The following CHSY3 variants were observed in gnomAD, a reference collection of about 807,000 sequenced individuals.
CHSY3 encodes the protein N-acetylgalactosaminyl-proteoglycan 3-beta-glucuronosyltransferase 3.
Under a neutral mutation model 67.2 loss-of-function variants are expected in CHSY3, and 35 were observed. The ratio of observed to expected loss-of-function variants is 0.52; its 90% CI spans 0.40 to 0.69. CHSY3 has a LOEUF of 0.69. Among genes scored for constraint, CHSY3 ranks in the 30% least tolerant of loss-of-function variants. The pLI, the probability that CHSY3 is intolerant of heterozygous loss-of-function variation, is 0.00. For synonymous variants in CHSY3, 474 were observed against 434.7 expected (o/e 1.09, Z -1.12); for missense variants, 1,069 against 1,138.5 (o/e 0.94, Z 0.88).
chr5:130,113,029 T>C (rs1481722317), intron 2 of CHSY3, among the ~76,000 whole-genome samples: 3 of 152,106 alleles, frequency 2.0e-5, no homozygotes, highest in South Asian at 4.1e-4. Context: ...TATTAATCTT[T>C]TGTTTCATGT....
chr5:129,947,232 T>C (rs936276088), intron 2 of CHSY3, among the ~76,000 whole-genome samples: 1 of 152,142 alleles, frequency 6.6e-6, no homozygotes, highest in African/African-American at 2.4e-5. Context: ...AAGAACTCAC[T>C]ATCATGAGAA....
At chr5:129,917,270 C>G (rs1760759107) in intron 2 of CHSY3, among the ~76,000 whole-genome samples, 1 of 152,072 alleles carries the variant, frequency 6.6e-6, no homozygotes, top group African/African-American at 2.4e-5. Flanking sequence ...TCTAAGACCC[C>G]CATGGATACT....
intron 2 of CHSY3, among the ~76,000 whole-genome samples, chr5:130,144,538 A>G (rs1314076735): frequency 6.6e-6 from 1 of 152,218 alleles, no homozygotes; most frequent in Non-Finnish European, 1.5e-5. Context: ...CCCCATGTTC[A>G]TAGGTTGGAA....
chr5:129,942,075 C>T (rs1331886131), intron 2 of CHSY3, among the ~76,000 whole-genome samples: 2 of 152,100 alleles, frequency 1.3e-5, no homozygotes, highest in African/African-American at 2.4e-5. Context: ...TTCCTTCCCC[C>T]AGGGTATAGG....
intron 2 of CHSY3, among the ~76,000 whole-genome samples, chr5:130,055,087 G>A (rs984243155): frequency 6.6e-6 from 1 of 152,070 alleles, no homozygotes; most frequent in Non-Finnish European, 1.5e-5. Context: ...GTCTGGCTGT[G>A]GGTCTCTGTC....
chr5:130,148,720 T>G (rs1207443758), intron 2 of CHSY3, among the ~76,000 whole-genome samples: 1 of 152,170 alleles, frequency 6.6e-6, no homozygotes, highest in Non-Finnish European at 1.5e-5. Flanking sequence ...CTGTTCATGT[T>G]CTTTGCCCGC....
intron 2 of CHSY3, among the ~76,000 whole-genome samples, chr5:129,971,499 A>C (rs1250716171): frequency 6.6e-6 from 1 of 151,934 alleles, no homozygotes; most frequent in Non-Finnish European, 1.5e-5. Context: ...AGTACATTTT[A>C]TTAGCAGGTG....
At chr5:130,124,678 G>A (rs987143255) in intron 2 of CHSY3, among the ~76,000 whole-genome samples, 3 of 151,928 alleles carry the variant, frequency 2.0e-5, no homozygotes, top group African/African-American at 7.3e-5. Flanking sequence ...GGCTGATTTC[G>A]AACTCCCCAG....
At position 129,970,219 on chromosome 5, in the gene CHSY3, A is replaced by G. The variant is rs1653787273; in HGVS notation, c.1086+61859A>G. 3.3e-5 allele frequency among the ~76,000 whole-genome samples: 5 copies of G among 151,852 alleles called. No homozygotes were observed. In the South Asian group the frequency reaches 8.3e-4, roughly 25 times the overall value. ...TTTACTCATTTCTTTTTTGTTTCCC[A>G]CTGGGCTGTAAGCAACTTGAGATCA... On this transcript the variant is annotated intron_variant, in intron 2 of 2. Coordinates refer to ENST00000305031, the MANE Select transcript of CHSY3 (RefSeq NM_175856.5).
intron 2 of CHSY3, among the ~76,000 whole-genome samples, chr5:129,968,021 G>A (rs1185184947): frequency 6.6e-6 from 1 of 151,704 alleles, no homozygotes. Context: ...AACTATGGTA[G>A]TGTAGTCTTC....
chr5:129,909,644 A>C (rs1033946975), intron 2 of CHSY3, among the ~76,000 whole-genome samples: 1 of 152,018 alleles, frequency 6.6e-6, no homozygotes, highest in Non-Finnish European at 1.5e-5. Context: ...CTTTAGGATA[A>C]AAATTTATGT....
rs192316047 is a variant in CHSY3, at chr5:130,006,769, A to G, written c.1086+98409A>G. ...AATACATTTATTTTCAGTTGCATATAGGAAGGGGATATATTTTCAGTGCTT... is the reference window on the plus strand; with the variant it reads ...AATACATTTATTTTCAGTTGCATATGGGAAGGGGATATATTTTCAGTGCTT... On this transcript the variant is annotated intron_variant, in intron 2 of 2. Transcript: ENST00000305031. Among the ~76,000 whole-genome samples, 349 of 152,322 alleles carry G rather than the reference A, an allele frequency of 2.3e-3. 5 individuals are homozygous for G. Among genetic ancestry groups the G allele is most frequent in the Non-Finnish European group, 4.9e-4 (33 of 68,030 alleles).
In CHSY3 at chr5:129,991,521, T is replaced by C. The variant is rs1763366174; in HGVS notation, c.1086+83161T>C. 2.0e-5 allele frequency among the ~76,000 whole-genome samples: 3 copies of C among 152,174 alleles called. No homozygotes were observed. In the South Asian group the frequency reaches 6.2e-4, roughly 31 times the overall value. ...CTGATATATTTAAGAGTTTGTTCCT[T>C]GATGAGTATAATAGTAAAGCTAAAG... On this transcript the variant is annotated intron_variant, in intron 2 of 2. Coordinates refer to ENST00000305031, the MANE Select transcript of CHSY3 (RefSeq NM_175856.5).
intron 2 of CHSY3, among the ~76,000 whole-genome samples, chr5:129,959,129 C>T (rs944364730): frequency 1.3e-5 from 2 of 151,998 alleles, no homozygotes; most frequent in Non-Finnish European, 1.5e-5. Flanking sequence ...TGATAATTAA[C>T]GTATTTCGCA....
At chr5:130,109,493 T>C (rs965192391) in intron 2 of CHSY3, among the ~76,000 whole-genome samples, 1 of 151,702 alleles carries the variant, frequency 6.6e-6, no homozygotes, top group Non-Finnish European at 1.5e-5. Flanking sequence ...TAGAAGCTAA[T>C]TTCAGCAAGG....
At chr5:130,160,426 T>A (rs1769496545) in intron 2 of CHSY3, among the ~76,000 whole-genome samples, 1 of 152,190 alleles carries the variant, frequency 6.6e-6, no homozygotes, top group Non-Finnish European at 1.5e-5. Context: ...TTCTGATGCT[T>A]TGGACCTCAT....
intron 2 of CHSY3, among the ~76,000 whole-genome samples, chr5:130,076,409 C>CT (rs369960436): frequency 1.7e-4 from 26 of 149,502 alleles, no homozygotes; most frequent in East Asian, 1.6e-3. Context: ...TGAGAATATA[C>CT]TTTTTTTTGT....
At chr5:130,148,626 T>C (rs2149723106) in intron 2 of CHSY3, among the ~76,000 whole-genome samples, 1 of 152,358 alleles carries the variant, frequency 6.6e-6, no homozygotes, top group East Asian at 1.9e-4. Context: ...TGGTTTTGAT[T>C]TGCATTTCTC....
At position 130,185,820 on chromosome 5, in the gene CHSY3, T is replaced by A. The variant is rs1465756565; in HGVS notation, c.*29T>A. 3 of 1,435,572 alleles carry A rather than the reference T, an allele frequency of 2.1e-6. No homozygotes were observed. The highest frequency in any genetic ancestry group is 2.8e-6 in the Non-Finnish European group (3 of 1,066,276). The allele number at this position is 1,435,572 out of a possible 1,614,324, so 88.9% of individuals were successfully genotyped here. A position where few individuals can be genotyped will look rare whatever the true frequency, so the allele number is the denominator to read the frequency against. ...TCCAGGCAACACATTTTGCCTTTTT[T>A]AAGGGGAGTTTACCTCATTGTTGGT... is the stretch of plus-strand genomic sequence containing the variant. On this transcript the variant is annotated 3_prime_UTR_variant, in exon 3 of 3. Transcript: ENST00000305031.
Sources: allele counts gnomAD v4.1 joint callset (sites outside exome capture counted in the v4.1 genomes callset), GRCh38; gene constraint gnomAD v4.1.1; transcripts MANE v1.5; gene names NCBI Gene and HGNC (gene_info 2026-07-23, HGNC 2026-07-21).